PDSS2: variants seen among roughly 807,000 people sequenced by gnomAD.
PDSS2 encodes all trans-polyprenyl-diphosphate synthase PDSS2.
PDSS2 carries 31 observed loss-of-function variants against 44.5 expected under a neutral mutation model. The ratio of observed to expected loss-of-function variants is 0.70; its 90% CI spans 0.52 to 0.94. PDSS2 has a LOEUF of 0.94. Ranked by LOEUF, PDSS2 falls within the 40% of genes least tolerant of loss-of-function variation. The pLI is 0.00. For synonymous variants in PDSS2, 157 were observed against 180.3 expected, an observed-to-expected ratio of 0.87 and a Z score of 1.03; for missense variants, 452 against 482.2, an observed-to-expected ratio of 0.94 and a Z score of 0.59.
intron 7 of PDSS2, among the ~76,000 whole-genome samples, chr6:107,164,470 T>C (rs1217668013): frequency 5.3e-5 from 8 of 152,168 alleles, no homozygotes; most frequent in African/African-American, 1.9e-4. Flanking sequence ...TCCGGTTTCA[T>C]CCATGTCCCT....
At chr6:107,424,036 C>T (rs1486136710) in intron 1 of PDSS2, among the ~76,000 whole-genome samples, 10 of 90,594 alleles carry the variant, frequency 1.1e-4, no homozygotes, top group South Asian at 6.5e-4. Context: ...TATCTTGCAT[C>T]TTTTTTTTTT....
intron 7 of PDSS2, among the ~76,000 whole-genome samples, chr6:107,181,390 T>G (rs1208823781): frequency 6.8e-6 from 1 of 147,794 alleles, no homozygotes; most frequent in Non-Finnish European, 1.5e-5. Flanking sequence ...AAATGTAGCC[T>G]GGCATGGCAG....
chr6:107,402,509 T>TATATACGTATACATATATAC (rs1780169203), intron 1 of PDSS2, among the ~76,000 whole-genome samples: 1 of 119,568 alleles, frequency 8.4e-6, no homozygotes, highest in African/African-American at 3.1e-5. Flanking sequence ...TACATATATA[T>TATATACGTATACATATATAC]ACACACACAT....
At chr6:107,329,370 A>G (rs1218030876) in intron 2 of PDSS2, among the ~76,000 whole-genome samples, 1 of 152,078 alleles carries the variant, frequency 6.6e-6, no homozygotes, top group African/African-American at 2.4e-5. Flanking sequence ...ATATCGCCCT[A>G]ATTCCTCAGG....
chr6:107,433,567 T>C (rs1260104001), intron 1 of PDSS2, among the ~76,000 whole-genome samples: 2 of 152,226 alleles, frequency 1.3e-5, no homozygotes, highest in South Asian at 4.1e-4. Context: ...GATATCCATA[T>C]GCAAAAGAAT....
chr6:107,337,838 T>A (rs1777953467), intron 1 of PDSS2, among the ~76,000 whole-genome samples: 1 of 152,196 alleles, frequency 6.6e-6, no homozygotes, highest in Non-Finnish European at 1.5e-5. Flanking sequence ...ATCATTATTA[T>A]CATTATCTCA....
intron 7 of PDSS2, among the ~76,000 whole-genome samples, chr6:107,162,235 C>A (rs551025303): frequency 6.6e-6 from 1 of 152,050 alleles, no homozygotes; most frequent in Non-Finnish European, 1.5e-5. Context: ...CAGTGGCTCA[C>A]GCCTGTAATC....
intron 3 of PDSS2, among the ~76,000 whole-genome samples, chr6:107,259,134 G>A (rs1409194881): frequency 4.6e-5 from 7 of 152,240 alleles, no homozygotes; most frequent in Middle Eastern, 3.4e-3. Context: ...AGTGCCTACC[G>A]TATAGTAAGC....
chr6:107,410,302 G>A (rs901689100), intron 1 of PDSS2, among the ~76,000 whole-genome samples: 18 of 152,106 alleles, frequency 1.2e-4, no homozygotes. Flanking sequence ...CCCTGTCAAT[G>A]TCTATCTGAT....
At chr6:107,308,552 TA>T (rs1776936087) in intron 2 of PDSS2, among the ~76,000 whole-genome samples, 1 of 152,112 alleles carries the variant, frequency 6.6e-6, no homozygotes, top group Non-Finnish European at 1.5e-5. Flanking sequence ...TACATAAGTG[TA>T]AACTGAATGC....
chr6:107,163,492 C>CT (rs1771220418), intron 7 of PDSS2, among the ~76,000 whole-genome samples: 1 of 152,168 alleles, frequency 6.6e-6, no homozygotes, highest in Non-Finnish European at 1.5e-5. Context: ...TAAACATAAA[C>CT]TACTGACTCC....
intron 1 of PDSS2, among the ~76,000 whole-genome samples, chr6:107,336,818 GGTGTGTGGTGTGTGT>G (rs1376272758): frequency 7.0e-6 from 1 of 141,890 alleles, no homozygotes. Context: ...AAGAAAAAGA[GGTGTGTGGTGTGTGT>G]GTGTGTGTGT....
chr6:107,401,121 A>G (rs1470791258), intron 1 of PDSS2, among the ~76,000 whole-genome samples: 1 of 152,200 alleles, frequency 6.6e-6, no homozygotes, highest in Non-Finnish European at 1.5e-5. Context: ...CCAGGAGGTC[A>G]ACATGCAAAG....
chr6:107,397,595 T>C (rs757237495), intron 1 of PDSS2, among the ~76,000 whole-genome samples: 20 of 152,216 alleles, frequency 1.3e-4, no homozygotes, highest in Non-Finnish European at 2.6e-4. Context: ...CAAGCTGAAT[T>C]AGCTGGTTTT....
intron 1 of PDSS2, among the ~76,000 whole-genome samples, chr6:107,348,593 TAAA>T (rs1245280655): frequency 6.6e-6 from 1 of 152,142 alleles, no homozygotes; most frequent in Non-Finnish European, 1.5e-5. Flanking sequence ...TAAACCCAAA[TAAA>T]AAAATTAATA....
At chr6:107,228,022 A>G (rs1355005850) in intron 4 of PDSS2, among the ~76,000 whole-genome samples, 1 of 152,266 alleles carries the variant, frequency 6.6e-6, no homozygotes, top group Non-Finnish European at 1.5e-5. Context: ...TCCTTTGATC[A>G]GAATGGTATT....
At chr6:107,224,693 T>A (rs929149764) in intron 4 of PDSS2, among the ~76,000 whole-genome samples, 1 of 151,428 alleles carries the variant, frequency 6.6e-6, no homozygotes, top group Non-Finnish European at 1.5e-5. Flanking sequence ...AGCATTCCAA[T>A]GAATTTACTC....
intron 4 of PDSS2, among the ~76,000 whole-genome samples, chr6:107,231,053 A>G (rs1029203130): frequency 2.6e-5 from 4 of 152,012 alleles, no homozygotes; most frequent in African/African-American, 9.7e-5. Flanking sequence ...TATTTAAATT[A>G]AAAAAAATTT....
At chr6:107,182,326 T>C (rs1396867999) in intron 7 of PDSS2, among the ~76,000 whole-genome samples, 1 of 152,148 alleles carries the variant, frequency 6.6e-6, no homozygotes, top group Non-Finnish European at 1.5e-5. Context: ...TTTATTTATG[T>C]ATTTATTTAT....
Sources: gnomAD v4.1 joint callset for allele counts (sites outside exome capture counted in the v4.1 genomes callset) on GRCh38, gnomAD v4.1.1 for gene constraint, MANE v1.5 for transcripts, NCBI Gene and HGNC (gene_info 2026-07-23, HGNC 2026-07-21) for gene names.